Variants in UGT2A1 observed in about 807,000 individuals in gnomAD.
The protein encoded by UGT2A1 is UDP glucuronosyltransferase family 2 member A1 complex locus.
UGT2A1 carries 61 observed loss-of-function variants against 45.4 expected under a neutral mutation model. The observed-to-expected ratio is 1.34, with a 90% CI of 1.09 to 1.66. The LOEUF is 1.66. UGT2A1 is among the 40% of genes most tolerant of loss of function. The pLI is 0.00. For synonymous variants in UGT2A1, 229 were observed against 196.2 expected, an observed-to-expected ratio of 1.17 and a Z score of -1.40; for missense variants, 649 against 574.3, an observed-to-expected ratio of 1.13 and a Z score of -1.33.
intron 3 of UGT2A1, among the ~76,000 whole-genome samples, chr4:69,601,991 A>C (rs1719323550): frequency 7.3e-6 from 1 of 137,356 alleles, no homozygotes; most frequent in Non-Finnish European, 1.6e-5. Context: ...AATCAAGAAA[A>C]AGTATATTAT....
intron 3 of UGT2A1, among the ~76,000 whole-genome samples, chr4:69,620,120 G>C (rs1192749791): frequency 6.6e-6 from 1 of 151,904 alleles, no homozygotes; most frequent in Non-Finnish European, 1.5e-5. Flanking sequence ...CATAGTACTG[G>C]AAGTCCTTCC....
chr4:69,611,205 G>T (rs901026365), intron 3 of UGT2A1, among the ~76,000 whole-genome samples: 1 of 151,358 alleles, frequency 6.6e-6, no homozygotes, highest in Non-Finnish European at 1.5e-5. Context: ...GAGTGCAGTG[G>T]CACCAACACA....
At chr4:69,589,794 T>C (rs897189379) in intron 6 of UGT2A1, 143 bp from the exon 7 acceptor site, 66 of 1,257,342 alleles carry the variant, frequency 5.2e-5, no homozygotes, top group Non-Finnish European at 6.6e-5. Context: ...ACTTTGTTAG[T>C]TGTATAGGAT....
At chr4:69,597,263 C>G (rs1718982261) in intron 4 of UGT2A1, among the ~76,000 whole-genome samples, 1 of 152,124 alleles carries the variant, frequency 6.6e-6, no homozygotes. Context: ...CAACTGTAAT[C>G]ACAATGATGC....
intron 2 of UGT2A1, among the ~76,000 whole-genome samples, chr4:69,644,868 C>A (rs1722186066): frequency 6.6e-6 from 1 of 151,814 alleles, no homozygotes; most frequent in East Asian, 1.9e-4. Flanking sequence ...ACATACTAAC[C>A]TATGCATATT....
chr4:69,590,946 A>G (rs1399824668), intron 6 of UGT2A1, among the ~76,000 whole-genome samples: 1 of 152,218 alleles, frequency 6.6e-6, no homozygotes, highest in Non-Finnish European at 1.5e-5. Context: ...TAATTGCTTT[A>G]ATGAATAACA....
chr4:69,615,590 A>G (rs1560480123), intron 3 of UGT2A1, among the ~76,000 whole-genome samples: 1 of 152,058 alleles, frequency 6.6e-6, no homozygotes, highest in Admixed American at 6.6e-5. Context: ...TCAAAAGAAC[A>G]ACCAACAGGC....
chr4:69,617,602 T>A (rs929769254), intron 3 of UGT2A1, among the ~76,000 whole-genome samples: 10 of 151,834 alleles, frequency 6.6e-5, no homozygotes, highest in Admixed American at 3.3e-4. Flanking sequence ...GCTAGTGCTA[T>A]CTATAAGTTA....
intron 3 of UGT2A1, among the ~76,000 whole-genome samples, chr4:69,617,681 G>A (rs182153082): frequency 2.6e-5 from 4 of 151,684 alleles, no homozygotes; most frequent in South Asian, 2.1e-4. Context: ...CCATTAAGAC[G>A]TTCTTTAAAA....
chr4:69,639,761 T>C (rs1721951723), intron 2 of UGT2A1: 2 of 937,424 alleles, frequency 2.1e-6, no homozygotes, highest in Non-Finnish European at 3.0e-6. Flanking sequence ...ATCTTTAGAT[T>C]AAAAGGTAAA....
chr4:69,607,488 C>T (rs1207354701), intron 3 of UGT2A1, among the ~76,000 whole-genome samples: 2 of 151,952 alleles, frequency 1.3e-5, no homozygotes, highest in Admixed American at 1.3e-4. Context: ...CTAGGCAATA[C>T]CATTCAGGAC....
At chr4:69,618,203 G>GTC (rs1720517253) in intron 3 of UGT2A1, among the ~76,000 whole-genome samples, 1 of 92,208 alleles carries the variant, frequency 1.1e-5, no homozygotes, top group South Asian at 4.4e-4. Flanking sequence ...GTGTGTGTGT[G>GTC]TGTGTGTGTG....
chr4:69,597,232 C>G (rs553962678), intron 4 of UGT2A1, among the ~76,000 whole-genome samples: 1 of 152,186 alleles, frequency 6.6e-6, no homozygotes, highest in African/African-American at 2.4e-5. Context: ...TATTTTAGAA[C>G]AGGATAACAA....
intron 3 of UGT2A1, among the ~76,000 whole-genome samples, chr4:69,620,262 A>G (rs1352962502): frequency 6.7e-6 from 1 of 150,352 alleles, no homozygotes; most frequent in Non-Finnish European, 1.5e-5. Flanking sequence ...AGCTGCCTGC[A>G]CTAATAAAAA....
intron 3 of UGT2A1, among the ~76,000 whole-genome samples, chr4:69,618,101 T>C (rs1457307698): frequency 6.6e-6 from 1 of 151,932 alleles, no homozygotes; most frequent in Non-Finnish European, 1.5e-5. Context: ...GATTACATGT[T>C]TTTATATAGA....
chr4:69,602,360 GA>G lies in UGT2A1; in HGVS notation c.848-2967del, dbSNP rs1419036839. On this transcript the variant is annotated intron_variant, in intron 3 of 6. Transcript: ENST00000286604. ...ATAGTAAGAGCATTCTTATCAAGACGAAAAAAAGTCAGTGGTATGTACTAAT... is the reference window on the plus strand; with the variant it reads ...ATAGTAAGAGCATTCTTATCAAGACGAAAAAAGTCAGTGGTATGTACTAAT... 2.2e-5 allele frequency among the ~76,000 whole-genome samples: 3 copies of G among 136,596 alleles called. 1 individual carries two copies. The highest frequency in any genetic ancestry group is 7.2e-5 in the Admixed American group (1 of 13,982). The allele number at this position is 136,596 out of a possible 152,430, so 89.6% of individuals were successfully genotyped here. A position where few individuals can be genotyped will look rare whatever the true frequency, so the allele number is the denominator to read the frequency against.
rs755024069 is a variant in UGT2A1, at chr4:69,589,377, C to G, written c.1579G>C (p.Glu527Gln). ...TATTTCCTCTTTTTCTTGACCTATT[C>G]TCTTTTTTTCTTCTTTCCTATCTTA... ...FGKIGKKKKR[E>Q] The change falls in exon 7 of 7, where the codon GAA becomes CAA. Residue 527 changes from glutamate (E) to glutamine (Q), a missense_variant. Coordinates refer to ENST00000286604, the MANE Select transcript of UGT2A1 (RefSeq NM_001252275.3). The G allele has an allele frequency of 1.2e-6, 2 of 1,610,188 alleles. No individual in the cohort carries two copies. The highest frequency in any genetic ancestry group is 1.1e-5 in the South Asian group (1 of 90,668).
rs147301933 is a variant in UGT2A1 at position 69,651,787 on chromosome 4, G to A, written c.-55+1401C>T. Among the ~76,000 whole-genome samples, 561 of 152,238 alleles carry A rather than the reference G, an allele frequency of 3.7e-3. 8 individuals carry two copies. Among genetic ancestry groups the A allele is most frequent in the African/African-American group, 0.012 (505 of 41,546 alleles). On this transcript the variant is annotated intron_variant, in intron 1 of 6. Coordinates refer to ENST00000286604, the MANE Select transcript of UGT2A1 (RefSeq NM_001252275.3). Reference sequence around the variant, plus strand: ...AAATGTTGAAGTGTGACCATCCAAGGACACTTTACCAAAAAAGGGAAGAAA... The same window carrying A: ...AAATGTTGAAGTGTGACCATCCAAGAACACTTTACCAAAAAAGGGAAGAAA...
intron 1 of UGT2A1, among the ~76,000 whole-genome samples, chr4:69,651,457 A>G (rs1488957385): frequency 6.6e-6 from 1 of 152,232 alleles, no homozygotes; most frequent in Non-Finnish European, 1.5e-5. Context: ...GTGAAAGCTC[A>G]TGAATTCAGA....
Sources: gnomAD v4.1 joint callset for allele counts (sites outside exome capture counted in the v4.1 genomes callset) on GRCh38, gnomAD v4.1.1 for gene constraint, MANE v1.5 for transcripts, NCBI Gene and HGNC (gene_info 2026-07-23, HGNC 2026-07-21) for gene names.